The following HS3ST3A1 variants were observed in gnomAD, a reference collection of about 807,000 sequenced individuals.
HS3ST3A1 encodes heparan sulfate-glucosamine 3-sulfotransferase 3A1.
HS3ST3A1 carries 19 observed loss-of-function variants against 25.7 expected under a neutral mutation model. The observed-to-expected ratio is 0.74, with a 90% CI of 0.52 to 1.08. The LOEUF (loss-of-function observed/expected upper bound fraction) is 1.08, where lower values mean the gene tolerates loss of function less well. Among genes scored for constraint, HS3ST3A1 ranks in the 50% least tolerant of loss-of-function variants. The pLI is 0.00. For missense variants in HS3ST3A1, 459 were observed against 594.3 expected (o/e 0.77, Z 2.37); for synonymous variants, 226 against 278.6 (o/e 0.81, Z 1.88).
chr17:13,562,940 A>G (rs1048775553), intron 1 of HS3ST3A1, among the ~76,000 whole-genome samples: 3 of 152,032 alleles, frequency 2.0e-5, no homozygotes, highest in Middle Eastern at 6.8e-3. Flanking sequence ...GTGTGTCAGG[A>G]CCCGATACAG....
intron 1 of HS3ST3A1, among the ~76,000 whole-genome samples, chr17:13,572,054 C>T (rs970396150): frequency 4.6e-5 from 7 of 152,146 alleles, no homozygotes; most frequent in African/African-American, 1.7e-4. Context: ...CCACAGCACC[C>T]TGCCAATAAT....
chr17:13,597,288 C>A (rs1240623896), intron 1 of HS3ST3A1, among the ~76,000 whole-genome samples: 2 of 151,774 alleles, frequency 1.3e-5, no homozygotes, highest in Non-Finnish European at 2.9e-5. Flanking sequence ...AAAAAAGAGA[C>A]ATACCTTTTA....
At chr17:13,591,285 G>A (rs1046891949) in intron 1 of HS3ST3A1, among the ~76,000 whole-genome samples, 1 of 151,678 alleles carries the variant, frequency 6.6e-6, no homozygotes, top group Admixed American at 6.6e-5. Flanking sequence ...GACTTCAAGT[G>A]ATCTGCCCAC....
At chr17:13,546,080 A>G (rs1268808515) in intron 1 of HS3ST3A1, among the ~76,000 whole-genome samples, 1 of 151,988 alleles carries the variant, frequency 6.6e-6, no homozygotes, top group Non-Finnish European at 1.5e-5. Context: ...TATCTGACTA[A>G]TTTCCACCTG....
At chr17:13,515,573 A>C (rs1043274183) in intron 1 of HS3ST3A1, among the ~76,000 whole-genome samples, 22 of 150,704 alleles carry the variant, frequency 1.5e-4, no homozygotes, top group African/African-American at 5.2e-4. Context: ...GGTCAGTAAC[A>C]GTTTTCAATG....
intron 1 of HS3ST3A1, among the ~76,000 whole-genome samples, chr17:13,523,570 A>T (rs1360884001): frequency 6.6e-6 from 1 of 152,176 alleles, no homozygotes; most frequent in Non-Finnish European, 1.5e-5. Flanking sequence ...CCTGGAAAGA[A>T]CTTTCCATAG....
intron 1 of HS3ST3A1, among the ~76,000 whole-genome samples, chr17:13,531,146 A>C (rs951751060): frequency 6.6e-6 from 1 of 152,224 alleles, no homozygotes; most frequent in Non-Finnish European, 1.5e-5. Flanking sequence ...ATGGCTGTGC[A>C]ATTTTATCGC....
At chr17:13,586,871 C>CAAAAAAAAAAAA (rs57580843) in intron 1 of HS3ST3A1, among the ~76,000 whole-genome samples, 2 of 44,702 alleles carry the variant, frequency 4.5e-5, no homozygotes, top group African/African-American at 2.8e-4. Flanking sequence ...CTCTGTCTCA[C>CAAAAAAAAAAAA]AAAAAAAAAA....
rs1908693832 is a variant in HS3ST3A1 at position 13,600,574 on chromosome 17, G to A, written c.556C>T (p.His186Tyr). Residue 186 changes from histidine (H) to tyrosine (Y), a missense_variant, in exon 1 of 2, where the codon CAC becomes TAC. His to Tyr is a moderately conservative substitution (Grantham distance 83). Around this residue, in one of 3 missense-constraint regions of HS3ST3A1, gnomAD observed 346 missense variants for 303.9 expected, o/e 1.14. Transcript: ENST00000284110. ...TTGTCGTAGCTGCGGTCGAAGAAGTGGGGCTCGGCGCCCACGGCGCGCACG... is the reference window on the plus strand; with the variant it reads ...TTGTCGTAGCTGCGGTCGAAGAAGTAGGGCTCGGCGCCCACGGCGCGCACG... The part of the protein sequence containing the change: ...PDVRAVGAEP[H>Y]FFDRSYDKGL... 2 of 1,601,874 alleles carry A rather than the reference G, an allele frequency of 1.2e-6. No individual in the cohort carries two copies. The highest frequency in any genetic ancestry group is 1.7e-6 in the Non-Finnish European group (2 of 1,178,530).
intron 1 of HS3ST3A1, among the ~76,000 whole-genome samples, chr17:13,547,582 C>A (rs139316327): frequency 2.2e-3 from 334 of 152,284 alleles, no homozygotes; most frequent in African/African-American, 7.6e-3. Flanking sequence ...ATGGGAAGAT[C>A]CATGCCCTTC....
At chr17:13,590,100 C>T (rs889494509) in intron 1 of HS3ST3A1, among the ~76,000 whole-genome samples, 10 of 152,114 alleles carry the variant, frequency 6.6e-5, no homozygotes, top group African/African-American at 2.4e-4. Flanking sequence ...CAAACTTTTT[C>T]CTGTCCATAC....
At chr17:13,590,143 G>A (rs1342701472) in intron 1 of HS3ST3A1, among the ~76,000 whole-genome samples, 1 of 151,948 alleles carries the variant, frequency 6.6e-6, no homozygotes, top group Non-Finnish European at 1.5e-5. Flanking sequence ...TAACAAGCAG[G>A]CAACGGCCAT....
intron 1 of HS3ST3A1, among the ~76,000 whole-genome samples, chr17:13,534,555 A>AAAAAAAAAAT (rs1354594750): frequency 3.6e-5 from 5 of 139,424 alleles, no homozygotes; most frequent in African/African-American, 5.7e-5. Flanking sequence ...TCCAAAAAAA[A>AAAAAAAAAAT]AAAAAAAAAA....
At chr17:13,525,755 C>G (rs547332383) in intron 1 of HS3ST3A1, among the ~76,000 whole-genome samples, 1 of 152,196 alleles carries the variant, frequency 6.6e-6, no homozygotes, top group African/African-American at 2.4e-5. Flanking sequence ...TTACAGGGCA[C>G]CAGAGGTGAA....
At chr17:13,498,945 G>T (rs372783922) in intron 1 of HS3ST3A1, among the ~76,000 whole-genome samples, 215 of 141,138 alleles carry the variant, frequency 1.5e-3, no homozygotes, top group African/African-American at 4.5e-3. Flanking sequence ...TCCTATTTTT[G>T]TTTTTTTTTT....
chr17:13,587,167 T>C (rs1352536087), intron 1 of HS3ST3A1, among the ~76,000 whole-genome samples: 3 of 150,772 alleles, frequency 2.0e-5, no homozygotes, highest in Admixed American at 6.6e-5. Flanking sequence ...CCCTTAATAA[T>C]CTTTGAGGCC....
chr17:13,529,085 T>G (rs374745176), intron 1 of HS3ST3A1, among the ~76,000 whole-genome samples: 3 of 152,294 alleles, frequency 2.0e-5, no homozygotes, highest in Middle Eastern at 3.4e-3. Context: ...TACAAAGCAA[T>G]AAAATATGTA....
At chr17:13,565,706 T>C (rs933625942) in intron 1 of HS3ST3A1, among the ~76,000 whole-genome samples, 3 of 152,222 alleles carry the variant, frequency 2.0e-5, no homozygotes, top group African/African-American at 7.2e-5. Flanking sequence ...GTGTTTACCA[T>C]CTTCTCGGCT....
At chr17:13,513,435 G>A (rs1045296249) in intron 1 of HS3ST3A1, among the ~76,000 whole-genome samples, 58 of 152,080 alleles carry the variant, frequency 3.8e-4, no homozygotes, top group Admixed American at 2.7e-3. Flanking sequence ...ATGCAAAAAA[G>A]GTTCATTACA....
Sources: allele counts gnomAD v4.1 joint callset (sites outside exome capture counted in the v4.1 genomes callset), GRCh38; gene constraint gnomAD v4.1.1; regional missense constraint gnomAD v4.1.1; transcripts MANE v1.5; gene names NCBI Gene and HGNC (gene_info 2026-07-23, HGNC 2026-07-21).